The following CDKAL1 variants were observed in gnomAD, a reference collection of about 807,000 sequenced individuals.
CDKAL1 encodes CDKAL1 threonylcarbamoyladenosine tRNA methylthiotransferase.
CDKAL1 carries 32 observed loss-of-function variants against 68.2 expected under a neutral mutation model. That is an observed-to-expected ratio of 0.47 (90% CI 0.35 to 0.63). The LOEUF is 0.63. Ranked by LOEUF, CDKAL1 falls within the 30% of genes least tolerant of loss-of-function variation. The pLI, the probability that CDKAL1 is intolerant of heterozygous loss-of-function variation, is 0.00. For missense variants in CDKAL1, 606 were observed against 696.7 expected (o/e 0.87, Z 1.47); for synonymous variants, 234 against 244.3 (o/e 0.96, Z 0.39).
chr6:21,210,419 C>T (rs1318302883), intron 15 of CDKAL1, among the ~76,000 whole-genome samples: 1 of 152,142 alleles, frequency 6.6e-6, no homozygotes, highest in Non-Finnish European at 1.5e-5. Flanking sequence ...CAGAGAGCTG[C>T]CTTGACCCTT....
At chr6:20,652,735 A>G (rs1186895028) in intron 5 of CDKAL1, among the ~76,000 whole-genome samples, 1 of 152,200 alleles carries the variant, frequency 6.6e-6, no homozygotes, top group East Asian at 1.9e-4. Context: ...ATTGTGAAAT[A>G]TATTAAACAT....
chr6:21,073,464 G>C (rs895900884), intron 12 of CDKAL1, among the ~76,000 whole-genome samples: 11 of 152,210 alleles, frequency 7.2e-5, no homozygotes, highest in African/African-American at 2.4e-4. Flanking sequence ...CAATGAATGA[G>C]AGTTCCTTTT....
chr6:20,681,636 GTTAGTAGATGGT>G (rs1770379965), intron 5 of CDKAL1, among the ~76,000 whole-genome samples: 1 of 152,110 alleles, frequency 6.6e-6, no homozygotes, highest in Non-Finnish European at 1.5e-5. Flanking sequence ...CTGCTATAAT[GTTAGTAGATGGT>G]CTTGGTGGGG....
chr6:20,886,557 A>G (rs1761076210), intron 9 of CDKAL1, among the ~76,000 whole-genome samples: 1 of 152,248 alleles, frequency 6.6e-6, no homozygotes, highest in Non-Finnish European at 1.5e-5. Context: ...TTATTCAATC[A>G]TAAAATGGAA....
At chr6:20,671,729 T>A (rs77583399) in intron 5 of CDKAL1, among the ~76,000 whole-genome samples, 1 of 152,124 alleles carries the variant, frequency 6.6e-6, no homozygotes. Flanking sequence ...TTTTTTTAAA[T>A]CTCTAAATTT....
chr6:20,739,483 A>G, intron 5 of CDKAL1, 36 bp from the exon 6 acceptor site: 1 of 1,352,352 alleles, frequency 7.4e-7, no homozygotes, highest in East Asian at 2.3e-5. Context: ...ACCCATGAGC[A>G]AAGGAATTCA....
At chr6:21,103,286 G>A (rs549938683) in intron 12 of CDKAL1, among the ~76,000 whole-genome samples, 3 of 152,218 alleles carry the variant, frequency 2.0e-5, no homozygotes, top group East Asian at 1.9e-4. Flanking sequence ...TATTACATGC[G>A]GGGCCTCTTT....
chr6:20,593,778 A>G (rs1203872922), intron 4 of CDKAL1, among the ~76,000 whole-genome samples: 3 of 152,090 alleles, frequency 2.0e-5, no homozygotes, highest in East Asian at 1.9e-4. Context: ...TAGGGTGTCA[A>G]TTTTAGATCT....
chr6:21,156,632 A>G (rs9350325), intron 13 of CDKAL1, among the ~76,000 whole-genome samples: 51,362 of 151,830 alleles, frequency 0.34, 9,021 homozygotes, highest in African/African-American at 0.43. Context: ...GATGGGACAA[A>G]TTTGTCTGAA....
intron 12 of CDKAL1, among the ~76,000 whole-genome samples, chr6:21,100,073 G>A (rs1773508091): frequency 6.9e-6 from 1 of 145,142 alleles, no homozygotes; most frequent in African/African-American, 2.6e-5. Flanking sequence ...GTTGCCTAAA[G>A]ACCTGCCAGG....
At chr6:20,711,615 C>A (rs566699284) in intron 5 of CDKAL1, among the ~76,000 whole-genome samples, 8 of 152,098 alleles carry the variant, frequency 5.3e-5, no homozygotes, top group Non-Finnish European at 8.8e-5. Flanking sequence ...AGAAAACAAC[C>A]AGAAGTAGCA....
intron 8 of CDKAL1, among the ~76,000 whole-genome samples, chr6:20,799,407 C>T (rs1581602919): frequency 6.6e-6 from 1 of 151,808 alleles, no homozygotes; most frequent in Non-Finnish European, 1.5e-5. Context: ...CTGAACTTAC[C>T]CTCAGTAATG....
intron 13 of CDKAL1, among the ~76,000 whole-genome samples, chr6:21,184,811 C>T (rs932412711): frequency 6.7e-6 from 1 of 148,726 alleles, no homozygotes. Context: ...TGTGCACTAC[C>T]ACGTGCAGCT....
chr6:20,714,325 A>G (rs924318836), intron 5 of CDKAL1, among the ~76,000 whole-genome samples: 1 of 150,336 alleles, frequency 6.7e-6, no homozygotes. Flanking sequence ...GTCGTAATCA[A>G]TGATGTCCCA....
intron 9 of CDKAL1, among the ~76,000 whole-genome samples, chr6:20,853,391 C>CAAAAAAA (rs763959365): frequency 1.8e-5 from 1 of 55,460 alleles, no homozygotes. Flanking sequence ...AAAAACAAAA[C>CAAAAAAA]AAAAAAAAAA....
intron 2 of CDKAL1, among the ~76,000 whole-genome samples, chr6:20,540,494 C>T (rs1763348302): frequency 1.4e-5 from 2 of 146,462 alleles, no homozygotes; most frequent in African/African-American, 2.5e-5. Context: ...CGCCCTTTGT[C>T]GCCCAGGCTG....
At chr6:20,744,986 C>T (rs937944725) in intron 6 of CDKAL1, among the ~76,000 whole-genome samples, 2 of 152,154 alleles carry the variant, frequency 1.3e-5, no homozygotes, top group African/African-American at 2.4e-5. Flanking sequence ...CAATTCACAA[C>T]GGAATATACA....
chr6:20,704,129 A>G (rs959432122), intron 5 of CDKAL1, among the ~76,000 whole-genome samples: 2 of 152,218 alleles, frequency 1.3e-5, no homozygotes, highest in Non-Finnish European at 2.9e-5. Flanking sequence ...TAATGAGCTT[A>G]TGTGGGTAGG....
intron 4 of CDKAL1, among the ~76,000 whole-genome samples, chr6:20,637,447 C>T (rs1767959260): frequency 6.6e-6 from 1 of 152,016 alleles, no homozygotes; most frequent in Admixed American, 6.6e-5. Flanking sequence ...CCTGTAGTCC[C>T]ACCTACTCGG....
Sources: gnomAD v4.1 joint callset for allele counts (sites outside exome capture counted in the v4.1 genomes callset) on GRCh38, gnomAD v4.1.1 for gene constraint, MANE v1.5 for transcripts, NCBI Gene and HGNC (gene_info 2026-07-23, HGNC 2026-07-21) for gene names.